XPO4: variants seen among roughly 807,000 people sequenced by gnomAD.
XPO4 encodes the protein exportin-4.
In XPO4, 39 loss-of-function variants were observed where a neutral mutation model predicts 143.0. The observed-to-expected ratio is 0.27, with a 90% CI of 0.21 to 0.36. XPO4 has a LOEUF of 0.36. XPO4 is among the 10% of genes least tolerant of loss of function. The pLI is 1.00. For synonymous variants in XPO4, 439 were observed against 474.0 expected (o/e 0.93, Z 0.96); for missense variants, 907 against 1,348.0 (o/e 0.67, Z 5.12).
In XPO4 at chr13:20,825,773, T is replaced by A. The variant is rs150856322; in HGVS notation, c.840+1294A>T. 9.4e-4 allele frequency among the ~76,000 whole-genome samples: 143 copies of A among 152,314 alleles called. No individual in the cohort carries two copies. The Middle Eastern group carries it at 0.01, about 11-fold the overall frequency. ...ATTTTAAAATTTAGTTACAATTATC[T>A]CTTTGATCTTGATAGTGGTTTTAGC... On this transcript the variant is annotated intron_variant, in intron 7 of 22. Transcript: ENST00000255305.
rs1037848379 is a variant in XPO4 at position 20,846,263 on chromosome 13, C to G, written c.457-2377G>C. ...TCTCTAATTAATGATCACAGCCATA[C>G]GTACTCACAAAAGCTTTACTTTTTC... is the stretch of plus-strand genomic sequence containing the variant. On this transcript the variant is annotated intron_variant, in intron 4 of 22. Coordinates refer to ENST00000255305, the MANE Select transcript of XPO4 (RefSeq NM_022459.5). Among the ~76,000 whole-genome samples, 24 of 152,180 alleles carry G rather than the reference C, an allele frequency of 1.6e-4. 1 individual carries two copies. Among genetic ancestry groups the G allele is most frequent in the African/African-American group, 5.5e-4 (23 of 41,442 alleles).
intron 11 of XPO4, 86 bp downstream of exon 11, chr13:20,808,997 T>C: frequency 6.8e-7 from 1 of 1,470,054 alleles, no homozygotes; most frequent in Non-Finnish European, 9.2e-7. Context: ...TGGGGGTGTT[T>C]AAAGTCTTTA....
rs756654758 is a variant in XPO4 at position 20,821,832 on chromosome 13, T to C, written c.1045A>G (p.Ser349Gly). 1.1e-5 allele frequency: 17 copies of C among 1,614,094 alleles called. No homozygotes were observed. The South Asian group carries it at 1.9e-4, about 18-fold the overall frequency. ...SEAVGISSIISNLITVFPRNV... is the reference protein window; with the variant it reads ...SEAVGISSIIGNLITVFPRNV... ...CGTGGGAACACGGTTATCAGGTTGC[T>C]GATAATGCTGGAGATCCCCACAGCT... The change falls in exon 9 of 23, where the codon AGC (serine) becomes GGC (glycine). Residue 349 changes from serine (S) to glycine (G), a missense_variant. Physicochemically the swap from Ser to Gly is moderately conservative, Grantham distance 56. Coordinates refer to ENST00000255305, the MANE Select transcript of XPO4 (RefSeq NM_022459.5).
chr13:20,891,122 TA>T (rs57528913), intron 1 of XPO4, among the ~76,000 whole-genome samples: 1,153 of 85,974 alleles, frequency 0.013, 14 homozygotes, highest in African/African-American at 0.04. Context: ...CATCTCAATT[TA>T]AAAAAAAAAA....
At chr13:20,795,179 C>T (rs562133047) in intron 18 of XPO4, among the ~76,000 whole-genome samples, 9 of 152,256 alleles carry the variant, frequency 5.9e-5, no homozygotes, top group African/African-American at 1.4e-4. Flanking sequence ...CACGTGTCTG[C>T]ACAACATATA....
Position 20,888,333 on chromosome 13 carries a change from T to C in XPO4, c.69+14337A>G, listed in dbSNP as rs533994860. The stretch of plus-strand genomic sequence containing the variant: ...TATGGCATGATCTTTTGAGAAGATA[T>C]AAAAGAAACCTGGTGGGGGTTTTGT... On this transcript the variant is annotated intron_variant, in intron 1 of 22. Transcript: ENST00000255305. Among the ~76,000 whole-genome samples, 167 of 152,274 alleles carry C rather than the reference T, an allele frequency of 1.1e-3. 2 individuals carry two copies. Among genetic ancestry groups the C allele is most frequent in the Middle Eastern group, 6.8e-3 (2 of 294 alleles).
rs1210572079 is a variant in XPO4 at position 20,803,139 on chromosome 13, A to C, written c.1818-2149T>G. ...ATCGCAGAGTACCCCAATTATTTGAATTTCTTCCAAGTTATACACCAAAAA... is the reference window on the plus strand; with the variant it reads ...ATCGCAGAGTACCCCAATTATTTGACTTTCTTCCAAGTTATACACCAAAAA... On this transcript the variant is annotated intron_variant, in intron 13 of 22. Transcript: ENST00000255305. This position sits in a 1 kb window ranked among gnomAD's most constrained non-coding sequence, Gnocchi z 4.1. Among the ~76,000 whole-genome samples, 1 of 152,150 alleles carries C rather than the reference A, an allele frequency of 6.6e-6. No homozygotes were observed. Among genetic ancestry groups the C allele is most frequent in the Non-Finnish European group, 1.5e-5 (1 of 68,018 alleles).
At chr13:20,854,424 A>G (rs2060121384) in intron 4 of XPO4, among the ~76,000 whole-genome samples, 1 of 152,228 alleles carries the variant, frequency 6.6e-6, no homozygotes, top group South Asian at 2.1e-4. Context: ...TCAACCTCAA[A>G]GCATCAACTA....
In XPO4 at chr13:20,803,156, C is replaced by T. The variant is rs2059457783; in HGVS notation, c.1818-2166G>A. On this transcript the variant is annotated intron_variant, in intron 13 of 22. Transcript: ENST00000255305. The surrounding 1 kb of genome is among the most constrained non-coding windows in gnomAD (Gnocchi z 4.1). ...TTATTTGAATTTCTTCCAAGTTATA[C>T]ACCAAAAATCACAGAGATCTACCAA... 6.6e-6 allele frequency among the ~76,000 whole-genome samples: 1 copy of T among 151,930 alleles called. No individual in the cohort carries two copies. The highest frequency in any genetic ancestry group is 2.4e-5 in the African/African-American group (1 of 41,308).
chr13:20,879,346 C>A (rs759922404), intron 1 of XPO4: 12 of 977,118 alleles, frequency 1.2e-5, no homozygotes, highest in Middle Eastern at 5.3e-4. Flanking sequence ...ATTAACTTGC[C>A]GGTCTGGACC....
chr13:20,802,380 C>CTA (rs1298298432), intron 13 of XPO4, among the ~76,000 whole-genome samples: 1 of 152,146 alleles, frequency 6.6e-6, no homozygotes, highest in Non-Finnish European at 1.5e-5. Context: ...TGCACACTTC[C>CTA]TATACCACCA....
rs146560115 is a variant in XPO4, at chr13:20,804,552, G to A, written c.1817+2905C>T. Among the ~76,000 whole-genome samples, 40 of 152,078 alleles carry A rather than the reference G, an allele frequency of 2.6e-4. No individual in the cohort carries two copies. The East Asian group carries it at 7.7e-3, about 29-fold the overall frequency. ...GGTTCTCCTCTGCCCGTAGATTAGGGGAACCAGGAGCTCCTATAACACCCT... is the reference window on the plus strand; with the variant it reads ...GGTTCTCCTCTGCCCGTAGATTAGGAGAACCAGGAGCTCCTATAACACCCT... On this transcript the variant is annotated intron_variant, in intron 13 of 22. Transcript: ENST00000255305.
chr13:20,843,784 T>C lies in XPO4; in HGVS notation c.559A>G (p.Lys187Glu), dbSNP rs1224239762. 6.2e-7 allele frequency: 1 copy of C among 1,612,500 alleles called. No individual in the cohort carries two copies. The change falls in exon 5 of 23, where the codon AAA (lysine) becomes GAA (glutamate). Residue 187 changes from lysine (K) to glutamate (E), a missense_variant. Coordinates refer to ENST00000255305, the MANE Select transcript of XPO4 (RefSeq NM_022459.5). ...GLSMEFHGNC[K>E]RVFQEEDLRQ... ...ACTACCAATACCTGAAAAACTCTTTTGCAGTTACCATGGAATTCCATGCTC... is the reference window on the plus strand; with the variant it reads ...ACTACCAATACCTGAAAAACTCTTTCGCAGTTACCATGGAATTCCATGCTC...
intron 6 of XPO4, among the ~76,000 whole-genome samples, chr13:20,828,103 G>C (rs1396716953): frequency 6.6e-6 from 1 of 152,130 alleles, no homozygotes; most frequent in African/African-American, 2.4e-5. Flanking sequence ...TGGGCATGGT[G>C]GCAGGCACCT....
intron 15 of XPO4, among the ~76,000 whole-genome samples, chr13:20,799,901 T>C (rs1004621400): frequency 1.3e-5 from 2 of 152,220 alleles, no homozygotes; most frequent in African/African-American, 4.8e-5. Context: ...ATTACTAATG[T>C]GTTACTCATA....
chr13:20,848,831 T>C, intron 4 of XPO4: 2 of 985,286 alleles, frequency 2.0e-6, no homozygotes, highest in Non-Finnish European at 2.4e-6. Context: ...TTTTAATATG[T>C]CAAACAAGTA....
At chr13:20,824,568 A>G (rs1174466215) in intron 7 of XPO4, among the ~76,000 whole-genome samples, 1 of 152,240 alleles carries the variant, frequency 6.6e-6, no homozygotes, top group Non-Finnish European at 1.5e-5. Context: ...TATAAACCAC[A>G]TAAAACTAAT....
At chr13:20,851,455 C>T (rs776556452) in intron 4 of XPO4, 187 of 984,306 alleles carry the variant, frequency 1.9e-4, no homozygotes, top group Middle Eastern at 5.2e-4. Flanking sequence ...TTGGCTCACA[C>T]CTATAATCTT....
chr13:20,893,537 A>C (rs550031857), intron 1 of XPO4, among the ~76,000 whole-genome samples: 96 of 152,134 alleles, frequency 6.3e-4, no homozygotes, highest in Admixed American at 9.8e-4. Context: ...CAGGAGTTCG[A>C]GACCAGTCTA....
Sources: gnomAD v4.1 joint callset for allele counts (sites outside exome capture counted in the v4.1 genomes callset) on GRCh38, gnomAD v4.1.1 for gene constraint, Gnocchi (gnomAD v3.1) non-coding constraint, MANE v1.5 for transcripts, NCBI Gene and HGNC (gene_info 2026-07-23, HGNC 2026-07-21) for gene names.